The following CDH18 variants were observed in gnomAD, a reference collection of about 807,000 sequenced individuals.
CDH18 encodes cadherin-18.
A neutral mutation model predicts 67.9 loss-of-function variants in CDH18; 31 were observed. The observed-to-expected ratio is 0.46, with a 90% CI of 0.34 to 0.62. The LOEUF (loss-of-function observed/expected upper bound fraction) is 0.62. Ranked by LOEUF, CDH18 falls within the 20% of genes least tolerant of loss-of-function variation. The pLI is 0.01. For synonymous variants in CDH18, 362 were observed against 347.2 expected, an observed-to-expected ratio of 1.04 and a Z score of -0.48; for missense variants, 890 against 975.5, an observed-to-expected ratio of 0.91 and a Z score of 1.17.
chr5:20,480,913 T>G (rs1016970835), intron 1 of CDH18, among the ~76,000 whole-genome samples: 10 of 152,136 alleles, frequency 6.6e-5, no homozygotes, highest in African/African-American at 2.4e-4. Context: ...AAAATCATAT[T>G]CACAAAAATT....
chr5:20,471,980 A>ATTATC (rs143335601), intron 1 of CDH18, among the ~76,000 whole-genome samples: 3 of 151,904 alleles, frequency 2.0e-5, no homozygotes, highest in South Asian at 2.1e-4. Flanking sequence ...GCTCCAAAAT[A>ATTATC]AATTCACTGA....
chr5:19,913,552 T>C (rs986675589), intron 2 of CDH18, among the ~76,000 whole-genome samples: 7 of 152,136 alleles, frequency 4.6e-5, no homozygotes, highest in African/African-American at 7.2e-5. Flanking sequence ...AAACCTGATA[T>C]GAAATCAGAG....
intron 1 of CDH18, among the ~76,000 whole-genome samples, chr5:20,467,325 A>G (rs1751705645): frequency 1.6e-5 from 2 of 124,996 alleles, no homozygotes; most frequent in Non-Finnish European, 3.6e-5. Context: ...AAAAGGACTC[A>G]TTTACTCAAG....
chr5:20,250,287 T>A (rs1409483581), intron 2 of CDH18, among the ~76,000 whole-genome samples: 5 of 41,000 alleles, frequency 1.2e-4, no homozygotes, highest in Non-Finnish European at 2.4e-4. Flanking sequence ...TTATTTTTTT[T>A]TTTATTTTAT....
intron 1 of CDH18, among the ~76,000 whole-genome samples, chr5:20,483,685 A>G (rs1405076914): frequency 2.0e-5 from 3 of 151,836 alleles, no homozygotes; most frequent in African/African-American, 7.2e-5. Flanking sequence ...GGAAAAGGAC[A>G]CACACATCAA....
At chr5:19,960,037 A>G (rs1420046732) in intron 2 of CDH18, among the ~76,000 whole-genome samples, 3 of 152,108 alleles carry the variant, frequency 2.0e-5, no homozygotes, top group Non-Finnish European at 4.4e-5. Flanking sequence ...GAGTGAGTCA[A>G]TGAGTGAGTG....
chr5:20,435,259 T>C (rs1749084543), intron 1 of CDH18, among the ~76,000 whole-genome samples: 1 of 152,082 alleles, frequency 6.6e-6, no homozygotes, highest in African/African-American at 2.4e-5. Context: ...TTCATTCAAC[T>C]GTTCTGGGAC....
chr5:19,580,047 T>TTATACA (rs1742983134), intron 7 of CDH18, among the ~76,000 whole-genome samples: 1 of 151,890 alleles, frequency 6.6e-6, no homozygotes, highest in African/African-American at 2.4e-5. Context: ...GACACAATAA[T>TTATACA]TATACATATT....
chr5:19,762,151 C>G (rs1401774110), intron 3 of CDH18, among the ~76,000 whole-genome samples: 1 of 152,100 alleles, frequency 6.6e-6, no homozygotes, highest in African/African-American at 2.4e-5. Flanking sequence ...AGAAGAAACC[C>G]TAGGCAATAC....
intron 2 of CDH18, among the ~76,000 whole-genome samples, chr5:19,940,822 A>G (rs1250956271): frequency 2.6e-5 from 4 of 152,084 alleles, no homozygotes; most frequent in African/African-American, 9.7e-5. Flanking sequence ...AATAGCAACA[A>G]AAAGTCTCCA....
chr5:19,475,421 G>T (rs1738284813), intron 12 of CDH18, among the ~76,000 whole-genome samples: 1 of 151,764 alleles, frequency 6.6e-6, no homozygotes, highest in Non-Finnish European at 1.5e-5. Flanking sequence ...AAGATATAAA[G>T]AATTTTGAAT....
chr5:19,548,730 T>A (rs1029647947), intron 8 of CDH18, among the ~76,000 whole-genome samples: 57 of 151,360 alleles, frequency 3.8e-4, no homozygotes. Flanking sequence ...ACAATCTAGG[T>A]CTACTGAGTA....
chr5:19,976,008 A>G (rs1265980687), intron 2 of CDH18, among the ~76,000 whole-genome samples: 1 of 152,192 alleles, frequency 6.6e-6, no homozygotes, highest in Non-Finnish European at 1.5e-5. Flanking sequence ...TCACAGTCAC[A>G]CAAGAACTGC....
chr5:19,787,940 G>A (rs1379023084), intron 3 of CDH18, among the ~76,000 whole-genome samples: 5 of 151,414 alleles, frequency 3.3e-5, no homozygotes, highest in African/African-American at 1.2e-4. Context: ...ATTTTTATTG[G>A]ATAATAAAAA....
chr5:19,940,757 G>C (rs913874896), intron 2 of CDH18, among the ~76,000 whole-genome samples: 7 of 151,906 alleles, frequency 4.6e-5, no homozygotes, highest in African/African-American at 1.7e-4. Context: ...CCTTCCTCTA[G>C]TGTCTTTTCT....
At chr5:19,724,002 G>A (rs928886953) in intron 4 of CDH18, among the ~76,000 whole-genome samples, 7 of 152,116 alleles carry the variant, frequency 4.6e-5, no homozygotes, top group African/African-American at 1.4e-4. Flanking sequence ...GAGCCACCGC[G>A]CCCAGCCATA....
chr5:20,220,386 C>T (rs189164248), intron 2 of CDH18, among the ~76,000 whole-genome samples: 4 of 151,966 alleles, frequency 2.6e-5, no homozygotes, highest in Non-Finnish European at 4.4e-5. Flanking sequence ...AAAGGATAGT[C>T]GCTTTTATAC....
At chr5:19,725,380 TAAAAC>T (rs1177247620) in intron 4 of CDH18, among the ~76,000 whole-genome samples, 1 of 152,194 alleles carries the variant, frequency 6.6e-6, no homozygotes, top group African/African-American at 2.4e-5. Flanking sequence ...AAAACTAAAA[TAAAAC>T]AAAGTCTGTT....
intron 1 of CDH18, among the ~76,000 whole-genome samples, chr5:20,467,428 G>T (rs1386248638): frequency 1.3e-5 from 2 of 152,070 alleles, no homozygotes; most frequent in African/African-American, 4.8e-5. Flanking sequence ...TTTAGCCTTT[G>T]GGGTATGGCT....
Sources: allele counts gnomAD v4.1 joint callset (sites outside exome capture counted in the v4.1 genomes callset), GRCh38; gene constraint gnomAD v4.1.1; transcripts MANE v1.5; gene names NCBI Gene and HGNC (gene_info 2026-07-23, HGNC 2026-07-21).